Variants in CDK5RAP2 observed in about 807,000 individuals in gnomAD.
CDK5RAP2 encodes the protein CDK5 regulatory subunit associated protein 2.
CDK5RAP2 carries 147 observed loss-of-function variants against 232.9 expected under a neutral mutation model. The ratio of observed to expected loss-of-function variants is 0.63; its 90% CI spans 0.55 to 0.72. CDK5RAP2 has a LOEUF of 0.72. Among genes scored for constraint, CDK5RAP2 ranks in the 30% least tolerant of loss-of-function variants. The pLI, the probability that CDK5RAP2 is intolerant of heterozygous loss-of-function variation, is 0.00. For missense variants in CDK5RAP2, 2,195 were observed against 2,231.5 expected, an observed-to-expected ratio of 0.98 and a Z score of 0.33; for synonymous variants, 833 against 833.7, an observed-to-expected ratio of 1.00 and a Z score of 0.01.
At chr9:120,548,693 TC>T (rs570952194) in intron 4 of CDK5RAP2, among the ~76,000 whole-genome samples, 86 of 152,148 alleles carry the variant, frequency 5.7e-4, no homozygotes, top group African/African-American at 2.0e-3. Context: ...ATGCCTGTAG[TC>T]CCAACTACTC....
At position 120,545,704 on chromosome 9, in the gene CDK5RAP2, T is replaced by A. The variant is rs373217848; in HGVS notation, c.383+10A>T. On this transcript the variant is annotated intron_variant, in intron 5 of 37. Transcript: ENST00000349780. ...CGACTTGCAAGCTTTCAACGGATGA[T>A]GGTACTCACGAGGCTTTGATGAGCA... 1.4e-5 allele frequency: 22 copies of A among 1,608,680 alleles called. No individual in the cohort carries two copies. Among genetic ancestry groups the A allele is most frequent in the Non-Finnish European group, 1.8e-5 (21 of 1,175,148 alleles).
chr9:120,449,700 T>C lies in CDK5RAP2; in HGVS notation c.2794-1574A>G, dbSNP rs887710717. Among the ~76,000 whole-genome samples, 6 of 152,360 alleles carry C rather than the reference T, an allele frequency of 3.9e-5. 1 individual carries two copies. The South Asian group carries it at 1.2e-3, about 32-fold the overall frequency. On this transcript the variant is annotated intron_variant, in intron 21 of 37. Coordinates refer to ENST00000349780, the MANE Select transcript of CDK5RAP2 (RefSeq NM_018249.6). Reference sequence around the variant, plus strand: ...AAAAACAAATAATCCAATTAAAAGATGAGCAAAAACTCTGATAGTCACTTC... The same window carrying C: ...AAAAACAAATAATCCAATTAAAAGACGAGCAAAAACTCTGATAGTCACTTC...
At position 120,536,328 on chromosome 9, in the gene CDK5RAP2, C is replaced by A. The variant is rs372551664; in HGVS notation, c.662+44G>T. The A allele has an allele frequency of 8.1e-5, 130 of 1,602,552 alleles. 3 individuals are homozygous for A. In the South Asian group the frequency reaches 1.3e-3, roughly 16 times the overall value. ...AGGAAACAATTCTTTCCCCACGCTG[C>A]CAGATAATGTGATGTCAGGGTATGA... On this transcript the variant is annotated intron_variant, in intron 7 of 37. Transcript: ENST00000349780.
At chr9:120,528,986 T>C in intron 8 of CDK5RAP2, 189 bp from the exon 9 acceptor site, 1 of 626,354 alleles carries the variant, frequency 1.6e-6, no homozygotes, top group Non-Finnish European at 2.9e-6. Flanking sequence ...AAGAAAAATG[T>C]GAAGACAACA....
chr9:120,415,104 T>C lies in CDK5RAP2; in HGVS notation c.4233A>G (p.Glu1411=), dbSNP rs896470907. The C allele has an allele frequency of 2.5e-6, 4 of 1,614,160 alleles. No homozygotes were observed. Among genetic ancestry groups the C allele is most frequent in the Non-Finnish European group, 2.5e-6 (3 of 1,179,978 alleles). ...EIRTLRKRLE[E]SIKTNEKLRK... is the part of the protein sequence containing the mutation. Reference sequence around the variant, plus strand: ...GTAGCTTCTCATTTGTTTTAATAGATTCTTCTAAACGCTTTCTCAAAGTTC... The same window carrying C: ...GTAGCTTCTCATTTGTTTTAATAGACTCTTCTAAACGCTTTCTCAAAGTTC... The change falls in exon 28 of 38, where the codon GAA becomes GAG. Residue 1411 remains glutamate (E), a synonymous_variant. Transcript: ENST00000349780.
intron 3 of CDK5RAP2, among the ~76,000 whole-genome samples, chr9:120,559,216 C>T (rs1279221346): frequency 6.6e-6 from 1 of 152,066 alleles, no homozygotes; most frequent in African/African-American, 2.4e-5. Context: ...AGGCCGGGCA[C>T]GGTGGCTCAC....
chr9:120,564,803 G>A (rs1483321899), intron 3 of CDK5RAP2, among the ~76,000 whole-genome samples: 1 of 152,150 alleles, frequency 6.6e-6, no homozygotes, highest in Admixed American at 6.5e-5. Flanking sequence ...ACCAGATTCT[G>A]GGTCTTCCCT....
chr9:120,405,327 C>G (rs1016026109), intron 32 of CDK5RAP2, among the ~76,000 whole-genome samples: 2 of 152,240 alleles, frequency 1.3e-5, no homozygotes, highest in African/African-American at 4.8e-5. Flanking sequence ...TCTGCTGAGG[C>G]AGCACTGTGA....
At position 120,546,787 on chromosome 9, in the gene CDK5RAP2, C is replaced by T. The variant is rs117452281; in HGVS notation, c.307-997G>A. ...TATCTGGGACTATAGGCGTGCACTG[C>T]CACACCCGTCTTTTCGTTTGTTTGT... is the stretch of plus-strand genomic sequence containing the variant. On this transcript the variant is annotated intron_variant, in intron 4 of 37. Transcript: ENST00000349780. Among the ~76,000 whole-genome samples the T allele has an allele frequency of 4.3e-4, 66 of 152,140 alleles. No individual in the cohort carries two copies. The East Asian group carries it at 0.013, about 29-fold the overall frequency.
At chr9:120,445,611 T>C (rs953989499) in intron 22 of CDK5RAP2, among the ~76,000 whole-genome samples, 4 of 152,172 alleles carry the variant, frequency 2.6e-5, no homozygotes, top group African/African-American at 7.2e-5. Context: ...TCTTACCAGA[T>C]AGCAATATCT....
At chr9:120,536,665 G>A in intron 6 of CDK5RAP2, 139 bp from the exon 7 acceptor site, 1 of 842,434 alleles carries the variant, frequency 1.2e-6, no homozygotes, top group Non-Finnish European at 1.9e-6. Flanking sequence ...TATACATGGA[G>A]AGAATCAGTA....
At chr9:120,405,592 A>G (rs1318007882) in intron 32 of CDK5RAP2, among the ~76,000 whole-genome samples, 5 of 152,220 alleles carry the variant, frequency 3.3e-5, no homozygotes, top group Non-Finnish European at 5.9e-5. Context: ...GTAATGCCCA[A>G]TGCTGAGGTC....
At chr9:120,563,132 C>T (rs988703604) in intron 3 of CDK5RAP2, among the ~76,000 whole-genome samples, 1 of 152,070 alleles carries the variant, frequency 6.6e-6, no homozygotes, top group Non-Finnish European at 1.5e-5. Context: ...GGTAGCCTCT[C>T]TAACAAGGCC....
chr9:120,491,190 A>G (rs1298113576), intron 13 of CDK5RAP2, 117 bp downstream of exon 13: 1 of 828,818 alleles, frequency 1.2e-6, no homozygotes, highest in Non-Finnish European at 2.0e-6. Flanking sequence ...AAAGCTCTAA[A>G]GTATTCTGAA....
chr9:120,407,354 C>T (rs528947631), intron 31 of CDK5RAP2, 106 bp from the exon 32 acceptor site: 3 of 840,624 alleles, frequency 3.6e-6, no homozygotes, highest in Non-Finnish European at 2.0e-6. Context: ...TCGCCCTCCC[C>T]CTTCCTAAGA....
intron 35 of CDK5RAP2, among the ~76,000 whole-genome samples, chr9:120,395,606 C>T (rs1276064344): frequency 1.4e-4 from 21 of 152,224 alleles, no homozygotes; most frequent in Admixed American, 1.4e-3. Context: ...TCTGCTGCGC[C>T]GAAACACTTC....
At chr9:120,472,374 T>G (rs1044769543) in intron 15 of CDK5RAP2, among the ~76,000 whole-genome samples, 1 of 152,200 alleles carries the variant, frequency 6.6e-6, no homozygotes, top group African/African-American at 2.4e-5. Context: ...GTCTCTGTTC[T>G]GAACAATGCC....
Position 120,477,352 on chromosome 9 carries a change from G to A in CDK5RAP2, c.1725C>T (p.Asp575=). ...THLVKSLQES[D]SINNLQAELN... is the part of the protein sequence containing the mutation. ...GATGTCCAGACAGAAACGCTTACCT[G>A]TCTGATTCCTGCAGAGATTTGACCA... The change falls in exon 15 of 38, where the codon GAC becomes GAT. Residue 575 remains aspartate, a splice_region_variant and synonymous_variant. Coordinates refer to ENST00000349780, the MANE Select transcript of CDK5RAP2 (RefSeq NM_018249.6). 1 of 1,611,320 alleles carries A rather than the reference G, an allele frequency of 6.2e-7. No homozygotes were observed. The highest frequency in any genetic ancestry group is 8.5e-7 in the Non-Finnish European group (1 of 1,177,848).
At chr9:120,459,890 C>A (rs1304904347) in intron 19 of CDK5RAP2, among the ~76,000 whole-genome samples, 1 of 152,212 alleles carries the variant, frequency 6.6e-6, no homozygotes, top group Non-Finnish European at 1.5e-5. Flanking sequence ...ATCTTACCCC[C>A]ACCACATCCC....
Sources: allele counts gnomAD v4.1 joint callset (sites outside exome capture counted in the v4.1 genomes callset), GRCh38; gene constraint gnomAD v4.1.1; transcripts MANE v1.5; gene names NCBI Gene and HGNC (gene_info 2026-07-23, HGNC 2026-07-21).